RETREG1: variants seen among roughly 807,000 people sequenced by gnomAD.
The protein encoded by RETREG1 is reticulophagy regulator 1.
In RETREG1, 44 loss-of-function variants were observed where a neutral mutation model predicts 54.8. The observed-to-expected ratio is 0.80, with a 90% confidence interval of 0.63 to 1.03. RETREG1 has a LOEUF of 1.03. Among genes scored for constraint, RETREG1 ranks in the 50% least tolerant of loss-of-function variants. The pLI is 0.00. For missense variants in RETREG1, 554 were observed against 605.1 expected (o/e 0.92, Z 0.89); for synonymous variants, 217 against 238.5 (o/e 0.91, Z 0.83).
intron 5 of RETREG1, 137 bp downstream of exon 5, chr5:16,480,872 T>A: frequency 1.5e-6 from 1 of 675,492 alleles, no homozygotes; most frequent in Non-Finnish European, 2.7e-6. Context: ...AGAAACTTTG[T>A]ACAGCAGGAG....
chr5:16,595,037 C>T (rs2126348183), intron 1 of RETREG1, among the ~76,000 whole-genome samples: 1 of 152,278 alleles, frequency 6.6e-6, no homozygotes, highest in East Asian at 1.9e-4. Flanking sequence ...CTTCCTTCAG[C>T]TTATGAGCCA....
At chr5:16,607,077 C>T (rs1018473147) in intron 1 of RETREG1, among the ~76,000 whole-genome samples, 21 of 152,176 alleles carry the variant, frequency 1.4e-4, no homozygotes, top group Admixed American at 1.3e-3. Context: ...CAGGTGTCTA[C>T]TCAAGGTCCT....
intron 3 of RETREG1, among the ~76,000 whole-genome samples, chr5:16,530,629 T>A (rs987948361): frequency 6.6e-6 from 1 of 152,134 alleles, no homozygotes; most frequent in African/African-American, 2.4e-5. Context: ...TCCCAGCACT[T>A]TGGGAGGCCG....
At position 16,543,970 on chromosome 5, in the gene RETREG1, G is replaced by GTT. The variant is rs750605921; in HGVS notation, c.458+21791_458+21792dup. On this transcript the variant is annotated intron_variant, in intron 3 of 8. Transcript: ENST00000306320. The stretch of plus-strand genomic sequence containing the variant: ...TTTTTATGGGTTTGTTTATTGCCAA[G>GTT]TTTTTTTTTTTTTTTTTTTTTGGAG... Among the ~76,000 whole-genome samples, 336 of 121,084 alleles carry GTT rather than the reference G, an allele frequency of 2.8e-3. 3 individuals carry two copies. Among genetic ancestry groups the GTT allele is most frequent in the African/African-American group, 3.2e-3 (100 of 31,448 alleles). The allele number at this position is 121,084 out of a possible 152,430, so 79.4% of individuals were successfully genotyped here.
intron 1 of RETREG1, among the ~76,000 whole-genome samples, chr5:16,582,011 G>A (rs764763756): frequency 1.3e-5 from 2 of 152,056 alleles, no homozygotes; most frequent in Non-Finnish European, 1.5e-5. Context: ...TCTGAAAAGC[G>A]TATTTCAAAC....
chr5:16,513,298 T>C (rs747731848), intron 3 of RETREG1, among the ~76,000 whole-genome samples: 5 of 152,178 alleles, frequency 3.3e-5, no homozygotes, highest in Non-Finnish European at 7.3e-5. Context: ...GAACCTGTGC[T>C]TTTCTAAATA....
chr5:16,501,961 T>G (rs991560644), intron 3 of RETREG1, among the ~76,000 whole-genome samples: 1 of 82,108 alleles, frequency 1.2e-5, no homozygotes, highest in Non-Finnish European at 3.0e-5. Flanking sequence ...TAAGTAAGCT[T>G]TTTTTTTTTT....
intron 3 of RETREG1, among the ~76,000 whole-genome samples, chr5:16,520,275 C>G (rs547079945): frequency 6.6e-6 from 1 of 152,066 alleles, no homozygotes; most frequent in South Asian, 2.1e-4. Context: ...TGGTGATAGG[C>G]TTAATGTCCT....
intron 2 of RETREG1, among the ~76,000 whole-genome samples, chr5:16,568,417 G>A (rs1388940316): frequency 6.6e-6 from 1 of 151,928 alleles, no homozygotes; most frequent in Non-Finnish European, 1.5e-5. Context: ...GATTACAGGT[G>A]CCCACCACCA....
At chr5:16,562,283 C>T (rs755132762) in intron 3 of RETREG1, among the ~76,000 whole-genome samples, 1 of 152,112 alleles carries the variant, frequency 6.6e-6, no homozygotes, top group Non-Finnish European at 1.5e-5. Context: ...CCATTGCACT[C>T]CAGCCTGGGC....
At chr5:16,525,758 A>G (rs1740697821) in intron 3 of RETREG1, among the ~76,000 whole-genome samples, 4 of 100,638 alleles carry the variant, frequency 4.0e-5, no homozygotes, top group Middle Eastern at 5.9e-3. Flanking sequence ...CTGTGTATAT[A>G]TATACACAGA....
chr5:16,602,720 C>T (rs926453690), intron 1 of RETREG1, among the ~76,000 whole-genome samples: 4 of 152,090 alleles, frequency 2.6e-5, no homozygotes. Context: ...AAGAATTTCA[C>T]TTAGAGGCCG....
intron 3 of RETREG1, among the ~76,000 whole-genome samples, chr5:16,504,395 C>T (rs1273173507): frequency 6.6e-6 from 1 of 152,194 alleles, no homozygotes; most frequent in Admixed American, 6.5e-5. Context: ...GTGAAATCAA[C>T]CACAGTGGGA....
At position 16,585,565 on chromosome 5, in the gene RETREG1, G is replaced by A. The variant is rs377220988; in HGVS notation, c.321-13463C>T. Among the ~76,000 whole-genome samples the A allele has an allele frequency of 5.9e-5, 9 of 152,284 alleles. No homozygotes were observed. The South Asian group carries it at 1.5e-3, about 25-fold the overall frequency. On this transcript the variant is annotated intron_variant, in intron 1 of 8. Coordinates refer to ENST00000306320, the MANE Select transcript of RETREG1 (RefSeq NM_001034850.3). The surrounding 1 kb of genome is among the most constrained non-coding windows in gnomAD (Gnocchi z 4.5). ...TGGTCACAGCAGGGAAGGGGACTTC[G>A]AGGCAGGGCGGGTGAGTCAAGTTCT...
chr5:16,475,133 C>A lies in RETREG1; in HGVS notation c.1102G>T (p.Gly368Cys), dbSNP rs1738480421. ...GTNDEDELSL[G>C]LPTELKRKKE... ...TTTCTCTTGAGCTCAGTGGGCAAAC[C>A]AAGGCTTAATTCATCTTCATCATTT... The change falls in exon 9 of 9, where the codon GGT becomes TGT. Residue 368 changes from glycine to cysteine, a missense_variant. Gly to Cys is a radical substitution (Grantham distance 159). This residue lies in a region of RETREG1 where 347 missense variants were observed against 412.3 expected (regional missense o/e 0.84). Transcript: ENST00000306320. 4.3e-6 allele frequency: 7 copies of A among 1,613,888 alleles called. No individual in the cohort carries two copies. The highest frequency in any genetic ancestry group is 1.3e-5 in the African/African-American group (1 of 74,988).
intron 3 of RETREG1, among the ~76,000 whole-genome samples, chr5:16,521,571 A>C (rs558190997): frequency 1.2e-4 from 18 of 152,332 alleles, no homozygotes; most frequent in South Asian, 1.0e-3. Context: ...AGGAAGTGGA[A>C]ATTTTCAAAG....
chr5:16,480,722 G>A (rs149468912), intron 5 of RETREG1, among the ~76,000 whole-genome samples: 2 of 152,040 alleles, frequency 1.3e-5, no homozygotes, highest in Non-Finnish European at 2.9e-5. Flanking sequence ...AAAGGTGTTG[G>A]TGTGTTTTTG....
chr5:16,554,256 G>A (rs1160897808), intron 3 of RETREG1, among the ~76,000 whole-genome samples: 1 of 152,200 alleles, frequency 6.6e-6, no homozygotes, highest in Non-Finnish European at 1.5e-5. Flanking sequence ...ACATTTCCGA[G>A]GCTGGAACCT....
intron 3 of RETREG1, among the ~76,000 whole-genome samples, chr5:16,509,956 T>C (rs1271939643): frequency 6.6e-6 from 1 of 152,174 alleles, no homozygotes; most frequent in African/African-American, 2.4e-5. Context: ...ATCGTGCCAC[T>C]GCACTCCAGC....
Sources: allele counts gnomAD v4.1 joint callset (sites outside exome capture counted in the v4.1 genomes callset), GRCh38; gene constraint gnomAD v4.1.1; regional missense constraint gnomAD v4.1.1; non-coding constraint Gnocchi (gnomAD v3.1); transcripts MANE v1.5; gene names NCBI Gene and HGNC (gene_info 2026-07-23, HGNC 2026-07-21).